RSU1: variants seen among roughly 807,000 people sequenced by gnomAD.
The protein encoded by RSU1 is Ras suppressor protein 1, also known as rsu-1.
RSU1 carries 26 observed loss-of-function variants against 31.1 expected under a neutral mutation model. The ratio of observed to expected loss-of-function variants is 0.84; its 90% CI spans 0.61 to 1.16. RSU1 has a LOEUF of 1.16. Among genes scored for constraint, RSU1 ranks in the 50% most tolerant of loss-of-function variants. The pLI, the probability that RSU1 is intolerant of heterozygous loss-of-function variation, is 0.00. For synonymous variants in RSU1, 164 were observed against 136.3 expected (o/e 1.20, Z -1.41); for missense variants, 320 against 339.1 (o/e 0.94, Z 0.44).
intron 8 of RSU1, among the ~76,000 whole-genome samples, chr10:16,636,831 C>T (rs1588686629): frequency 6.6e-6 from 1 of 152,160 alleles, no homozygotes; most frequent in East Asian, 1.9e-4. Context: ...TCCGCTATAA[C>T]TGCGCAATCT....
chr10:16,766,939 C>T (rs141957393), intron 3 of RSU1, among the ~76,000 whole-genome samples: 180 of 151,040 alleles, frequency 1.2e-3, no homozygotes, highest in Admixed American at 2.0e-3. Flanking sequence ...GCAGGAGAAT[C>T]GCTTCTGGGA....
intron 8 of RSU1, among the ~76,000 whole-genome samples, chr10:16,594,225 G>T (rs1564279721): frequency 2.0e-5 from 3 of 152,166 alleles, no homozygotes; most frequent in African/African-American, 4.8e-5. Flanking sequence ...AGAGCCTGGT[G>T]GGTGTCTCAG....
intron 8 of RSU1, among the ~76,000 whole-genome samples, chr10:16,673,195 T>C (rs10752058): frequency 6.6e-6 from 1 of 151,900 alleles, no homozygotes; most frequent in Non-Finnish European, 1.5e-5. Context: ...GGAGAAGCGT[T>C]CATCTCCGGT....
At chr10:16,660,454 C>G (rs1834867115) in intron 8 of RSU1, among the ~76,000 whole-genome samples, 1 of 152,136 alleles carries the variant, frequency 6.6e-6, no homozygotes, top group African/African-American at 2.4e-5. Context: ...GGTAAAATCT[C>G]AAACCTTTCC....
intron 8 of RSU1, among the ~76,000 whole-genome samples, chr10:16,655,753 C>T (rs1834765528): frequency 6.6e-6 from 1 of 152,150 alleles, no homozygotes; most frequent in African/African-American, 2.4e-5. Flanking sequence ...CTTTGTATTT[C>T]CACGTCAGCA....
chr10:16,815,090 C>G (rs1838499436), intron 2 of RSU1, among the ~76,000 whole-genome samples: 1 of 152,234 alleles, frequency 6.6e-6, no homozygotes, highest in Admixed American at 6.5e-5. Context: ...TCTGTATCAA[C>G]AGTGCCCCCA....
chr10:16,654,361 CAA>C (rs536600415), intron 8 of RSU1, among the ~76,000 whole-genome samples: 33,618 of 92,106 alleles, frequency 0.36, 4,071 homozygotes, highest in East Asian at 0.41. Flanking sequence ...CCTAAATTTG[CAA>C]AAAAAAAAAA....
chr10:16,812,433 C>G (rs1053549823), intron 2 of RSU1, among the ~76,000 whole-genome samples: 1 of 152,136 alleles, frequency 6.6e-6, no homozygotes, highest in South Asian at 2.1e-4. Context: ...CAGAGCAAGA[C>G]TCCATCTCAA....
At chr10:16,721,028 G>C (rs1322830411) in intron 7 of RSU1, among the ~76,000 whole-genome samples, 1 of 152,088 alleles carries the variant, frequency 6.6e-6, no homozygotes, top group Non-Finnish European at 1.5e-5. Flanking sequence ...TAAATAAATA[G>C]AGTATCTGGT....
rs535725562 is a variant in RSU1, at chr10:16,640,209, A to G, written c.732-46713T>C. 3.9e-5 allele frequency among the ~76,000 whole-genome samples: 6 copies of G among 152,234 alleles called. No homozygotes were observed. In the South Asian group the frequency reaches 1.0e-3, roughly 26 times the overall value. ...CTGGTCATTTAGAATTGCATTTTTAATTTTAGATCCTGTATTTATTTTGCC... is the reference window on the plus strand; with the variant it reads ...CTGGTCATTTAGAATTGCATTTTTAGTTTTAGATCCTGTATTTATTTTGCC... On this transcript the variant is annotated intron_variant, in intron 8 of 8. Transcript: ENST00000345264.
At chr10:16,625,553 G>C (rs1834142779) in intron 8 of RSU1, among the ~76,000 whole-genome samples, 1 of 152,172 alleles carries the variant, frequency 6.6e-6, no homozygotes, top group South Asian at 2.1e-4. Context: ...ACCATGACTT[G>C]GTAAGGCTGC....
At chr10:16,687,018 C>T (rs1835452468) in intron 8 of RSU1, among the ~76,000 whole-genome samples, 1 of 152,136 alleles carries the variant, frequency 6.6e-6, no homozygotes, top group Non-Finnish European at 1.5e-5. Context: ...GTCAGAGCTC[C>T]CAGGCAAGCA....
intron 8 of RSU1, among the ~76,000 whole-genome samples, chr10:16,617,049 CTGTT>C (rs1284318466): frequency 3.3e-5 from 5 of 152,206 alleles, no homozygotes; most frequent in African/African-American, 9.7e-5. Context: ...CAAATTGTCT[CTGTT>C]TGCAGATGAC....
At chr10:16,596,092 G>A (rs746852970) in intron 8 of RSU1, among the ~76,000 whole-genome samples, 3 of 152,164 alleles carry the variant, frequency 2.0e-5, no homozygotes, top group African/African-American at 7.2e-5. Context: ...GGGGTCCTGG[G>A]TCCTGTGTCC....
intron 4 of RSU1, among the ~76,000 whole-genome samples, chr10:16,761,534 C>G (rs1205350869): frequency 2.0e-5 from 3 of 152,130 alleles, no homozygotes; most frequent in Non-Finnish European, 4.4e-5. Flanking sequence ...TTCCCAGGCC[C>G]CAGGCAGGCA....
intron 7 of RSU1, among the ~76,000 whole-genome samples, chr10:16,734,227 A>G (rs1836579147): frequency 6.6e-6 from 1 of 152,234 alleles, no homozygotes. Context: ...TTAATATGTG[A>G]CCATCTACCA....
chr10:16,652,696 T>C (rs1256671194), intron 8 of RSU1, among the ~76,000 whole-genome samples: 1 of 152,172 alleles, frequency 6.6e-6, no homozygotes, highest in African/African-American at 2.4e-5. Flanking sequence ...TATTTATTTG[T>C]TTTTGAGACA....
chr10:16,626,264 T>A (rs1481214274), intron 8 of RSU1, among the ~76,000 whole-genome samples: 1 of 151,956 alleles, frequency 6.6e-6, no homozygotes, highest in Non-Finnish European at 1.5e-5. Context: ...TTGTCTGGGC[T>A]GGTCTTGAAC....
At chr10:16,809,928 A>C (rs113727108) in intron 2 of RSU1, among the ~76,000 whole-genome samples, 1 of 150,780 alleles carries the variant, frequency 6.6e-6, no homozygotes, top group African/African-American at 2.4e-5. Context: ...TAATTTTAAA[A>C]TTCAATATAA....
Sources: gnomAD v4.1 joint callset for allele counts (sites outside exome capture counted in the v4.1 genomes callset) on GRCh38, gnomAD v4.1.1 for gene constraint, MANE v1.5 for transcripts, NCBI Gene and HGNC (gene_info 2026-07-23, HGNC 2026-07-21) for gene names.